The following DAB1 variants were observed in gnomAD, a reference collection of about 807,000 sequenced individuals.
DAB1 encodes disabled homolog 1.
Under a neutral mutation model 64.6 loss-of-function variants are expected in DAB1, and 15 were observed. That is an observed-to-expected ratio of 0.23 (90% confidence interval 0.16 to 0.36). DAB1 has a LOEUF of 0.36. Ranked by LOEUF, DAB1 falls within the 10% of genes least tolerant of loss-of-function variation. The probability of loss-of-function intolerance (pLI) is 1.00; values close to 1 mark genes in which losing one functional copy is unlikely to be tolerated. For synonymous variants in DAB1, 235 were observed against 251.9 expected, an observed-to-expected ratio of 0.93 and a Z score of 0.64; for missense variants, 596 against 706.7, an observed-to-expected ratio of 0.84 and a Z score of 1.78.
intron 5 of DAB1, among the ~76,000 whole-genome samples, chr1:57,924,307 T>C (rs1464124326): frequency 1.3e-5 from 2 of 152,214 alleles, no homozygotes; most frequent in African/African-American, 2.4e-5. Context: ...CCAGTAAGAA[T>C]GATCAGATAC....
chr1:57,245,553 T>C (rs1274288994), intron 2 of DAB1, among the ~76,000 whole-genome samples: 1 of 152,192 alleles, frequency 6.6e-6, no homozygotes, highest in Admixed American at 6.5e-5. Context: ...GCCCTTGTGA[T>C]AGTTTGCTGA....
At chr1:57,805,849 A>T (rs1313266652) in intron 6 of DAB1, among the ~76,000 whole-genome samples, 1 of 152,114 alleles carries the variant, frequency 6.6e-6, no homozygotes. Flanking sequence ...TTACACCCAG[A>T]ATCTGACCAT....
chr1:58,355,179 T>C (rs910984611), intron 3 of DAB1, among the ~76,000 whole-genome samples: 2 of 152,128 alleles, frequency 1.3e-5, no homozygotes, highest in African/African-American at 4.8e-5. Flanking sequence ...AAAAATGCAA[T>C]TGAGGGAAGC....
chr1:58,024,721 T>C (rs1352836400), intron 5 of DAB1, among the ~76,000 whole-genome samples: 1 of 152,212 alleles, frequency 6.6e-6, no homozygotes, highest in Non-Finnish European at 1.5e-5. Context: ...TGTTTCTGGA[T>C]GATATTAACA....
At chr1:58,092,940 C>T (rs558216811) in intron 5 of DAB1, among the ~76,000 whole-genome samples, 1 of 152,144 alleles carries the variant, frequency 6.6e-6, no homozygotes, top group Non-Finnish European at 1.5e-5. Context: ...GCCAGAGTAA[C>T]GTTTGCATAA....
intron 9 of DAB1, among the ~76,000 whole-genome samples, chr1:57,061,028 A>C (rs1650331649): frequency 6.6e-6 from 1 of 152,250 alleles, no homozygotes; most frequent in South Asian, 2.1e-4. Context: ...GGACCAGTTG[A>C]AACACGAAGA....
chr1:58,251,169 G>C (rs955421955), intron 4 of DAB1, among the ~76,000 whole-genome samples: 1 of 152,190 alleles, frequency 6.6e-6, no homozygotes, highest in Non-Finnish European at 1.5e-5. Context: ...CAAAACATGA[G>C]TTTTTCTTCC....
intron 4 of DAB1, among the ~76,000 whole-genome samples, chr1:58,193,827 G>A (rs1375249254): frequency 6.6e-6 from 1 of 151,690 alleles, no homozygotes; most frequent in East Asian, 1.9e-4. Context: ...TTGCACTCCA[G>A]CCTGGGCAAC....
intron 7 of DAB1, among the ~76,000 whole-genome samples, chr1:57,456,355 C>A (rs756839954): frequency 8.5e-5 from 13 of 152,112 alleles, no homozygotes; most frequent in Admixed American, 3.3e-4. Flanking sequence ...TTAAAAGAGA[C>A]TAACACTGGC....
intron 3 of DAB1, among the ~76,000 whole-genome samples, chr1:58,347,699 C>G (rs1644014979): frequency 6.6e-6 from 1 of 152,176 alleles, no homozygotes; most frequent in Non-Finnish European, 1.5e-5. Flanking sequence ...GAGGCCAAAC[C>G]CTGCAAACAA....
chr1:57,962,207 T>G (rs1435606135), intron 5 of DAB1, among the ~76,000 whole-genome samples: 6 of 152,260 alleles, frequency 3.9e-5, no homozygotes, highest in Non-Finnish European at 7.4e-5. Context: ...ATCTTTATAG[T>G]GCCTACCTTA....
At chr1:57,617,131 G>A (rs1403320784) in intron 7 of DAB1, among the ~76,000 whole-genome samples, 1 of 152,052 alleles carries the variant, frequency 6.6e-6, no homozygotes, top group Non-Finnish European at 1.5e-5. Context: ...TCCTGGGCTG[G>A]TGCACATACT....
chr1:58,295,397 G>A (rs1467097335), intron 4 of DAB1, among the ~76,000 whole-genome samples: 1 of 152,082 alleles, frequency 6.6e-6, no homozygotes, highest in Non-Finnish European at 1.5e-5. Flanking sequence ...AGATGTCCTC[G>A]TTCCATGGGA....
At chr1:57,766,675 G>A (rs1450478076) in intron 6 of DAB1, among the ~76,000 whole-genome samples, 1 of 149,866 alleles carries the variant, frequency 6.7e-6, no homozygotes, top group Non-Finnish European at 1.5e-5. Context: ...GTCATCTAGC[G>A]GGTGTCCTAC....
intron 6 of DAB1, among the ~76,000 whole-genome samples, chr1:57,782,963 C>G (rs989262837): frequency 2.0e-5 from 3 of 148,752 alleles, no homozygotes; most frequent in Non-Finnish European, 3.0e-5. Context: ...TGAAAATAGT[C>G]CATTTTCTTT....
intron 5 of DAB1, among the ~76,000 whole-genome samples, chr1:57,889,911 A>AG (rs1644285187): frequency 2.5e-5 from 1 of 40,224 alleles, no homozygotes; most frequent in African/African-American, 1.1e-4. Context: ...GGGGGGGGGG[A>AG]GGGGGAAGAA....
chr1:58,411,174 C>T (rs997067760), intron 3 of DAB1, among the ~76,000 whole-genome samples: 5 of 152,136 alleles, frequency 3.3e-5, no homozygotes, highest in African/African-American at 1.2e-4. Context: ...TTTATCTGAA[C>T]AACAGATATT....
chr1:58,485,591 T>C (rs995664561), intron 3 of DAB1, among the ~76,000 whole-genome samples: 6 of 152,120 alleles, frequency 3.9e-5, no homozygotes, highest in Non-Finnish European at 8.8e-5. Flanking sequence ...GATGTCTTGG[T>C]AACTTATTTT....
chr1:57,929,604 G>C (rs12035069), intron 5 of DAB1, among the ~76,000 whole-genome samples: 2,960 of 152,218 alleles, frequency 0.019, 65 homozygotes, highest in East Asian at 0.081. Context: ...ATCTGAGTCT[G>C]GGTAATTTTA....
Sources: gnomAD v4.1 joint callset for allele counts (sites outside exome capture counted in the v4.1 genomes callset) on GRCh38, gnomAD v4.1.1 for gene constraint, MANE v1.5 for transcripts, NCBI Gene and HGNC (gene_info 2026-07-23, HGNC 2026-07-21) for gene names.